Variants in FHIT observed in about 807,000 individuals in gnomAD.
The protein encoded by FHIT is fragile histidine triad diadenosine triphosphatase, also known as bis(5'-adenosyl)-triphosphatase.
A neutral mutation model predicts 17.9 loss-of-function variants in FHIT; 19 were observed. The observed-to-expected ratio is 1.06, with a 90% CI of 0.74 to 1.56. The LOEUF is 1.56. FHIT is among the 40% of genes most tolerant of loss of function. The probability of loss-of-function intolerance (pLI) is 0.00; values close to 1 mark genes in which losing one functional copy is unlikely to be tolerated. For missense variants in FHIT, 248 were observed against 189.2 expected (o/e 1.31, Z -1.82); for synonymous variants, 81 against 69.7 (o/e 1.16, Z -0.81).
At chr3:60,031,753 C>T (rs9860649) in intron 5 of FHIT, among the ~76,000 whole-genome samples, 1 of 152,024 alleles carries the variant, frequency 6.6e-6, no homozygotes, top group Non-Finnish European at 1.5e-5. Flanking sequence ...GAGTTCTTAA[C>T]CTGGGGGTCC....
intron 4 of FHIT, among the ~76,000 whole-genome samples, chr3:60,680,394 A>C (rs1194624374): frequency 2.0e-5 from 3 of 151,808 alleles, no homozygotes; most frequent in Non-Finnish European, 2.9e-5. Context: ...TTTTCTATTG[A>C]TTTTTATTTC....
At chr3:59,824,083 A>C (rs1700893397) in intron 8 of FHIT, among the ~76,000 whole-genome samples, 1 of 152,246 alleles carries the variant, frequency 6.6e-6, no homozygotes, top group Admixed American at 6.5e-5. Context: ...TCAAGAGCTC[A>C]ACCCCTTTTA....
chr3:61,162,879 T>G (rs1560031737), intron 2 of FHIT, among the ~76,000 whole-genome samples: 1 of 152,244 alleles, frequency 6.6e-6, no homozygotes, highest in Non-Finnish European at 1.5e-5. Flanking sequence ...TAAATGTGTC[T>G]GGGCTTTTTG....
chr3:61,222,050 G>A (rs1431765826), intron 1 of FHIT, among the ~76,000 whole-genome samples: 1 of 152,212 alleles, frequency 6.6e-6, no homozygotes, highest in African/African-American at 2.4e-5. Context: ...GGATGGCCCA[G>A]CAACGTCACT....
chr3:60,788,797 G>A (rs1489592892), intron 4 of FHIT, among the ~76,000 whole-genome samples: 5 of 152,052 alleles, frequency 3.3e-5, no homozygotes, highest in African/African-American at 4.8e-5. Flanking sequence ...GCCTCCTATC[G>A]TGTACCTCAG....
intron 8 of FHIT, among the ~76,000 whole-genome samples, chr3:59,875,315 C>G (rs1366897064): frequency 6.6e-6 from 1 of 152,222 alleles, no homozygotes; most frequent in African/African-American, 2.4e-5. Context: ...CCCTAAACTA[C>G]TACTCACTGT....
intron 5 of FHIT, among the ~76,000 whole-genome samples, chr3:60,108,120 C>T (rs1019027105): frequency 6.6e-6 from 1 of 152,144 alleles, no homozygotes; most frequent in East Asian, 1.9e-4. Context: ...CCGGAAAGTG[C>T]TTTGCTTGAC....
At chr3:60,638,338 C>T (rs13063948) in intron 4 of FHIT, among the ~76,000 whole-genome samples, 1 of 152,070 alleles carries the variant, frequency 6.6e-6, no homozygotes, top group Non-Finnish European at 1.5e-5. Flanking sequence ...TGGGTCTAGA[C>T]AACCACCATT....
Position 59,748,569 on chromosome 3 carries a change from G to A in FHIT, c.*1016C>T, listed in dbSNP as rs1368576935. ...AAGGAAGAAGTCCAGCAGGCGAGGA[G>A]GTGGGAGGTCCTCAAGGCAGAAATA... is the stretch of plus-strand genomic sequence containing the variant. On this transcript the variant is annotated 3_prime_UTR_variant, in exon 10 of 10. Transcript: ENST00000492590. 6.7e-6 allele frequency among the ~76,000 whole-genome samples: 1 copy of A among 149,850 alleles called. No individual in the cohort carries two copies. Among genetic ancestry groups the A allele is most frequent in the Non-Finnish European group, 1.5e-5 (1 of 67,252 alleles).
At chr3:60,898,644 C>T (rs142777514) in intron 3 of FHIT, among the ~76,000 whole-genome samples, 1 of 152,204 alleles carries the variant, frequency 6.6e-6, no homozygotes, top group Non-Finnish European at 1.5e-5. Flanking sequence ...AGGCTCTAAG[C>T]TGTCTATTGA....
In FHIT at chr3:61,016,229, G is replaced by A. The variant is rs183290771; in HGVS notation, c.-111+25818C>T. Among the ~76,000 whole-genome samples, 59 of 152,326 alleles carry A rather than the reference G, an allele frequency of 3.9e-4. 1 individual carries two copies. The South Asian group carries it at 5.8e-3, about 15-fold the overall frequency. ...CAGATGGGCAGAATAAAACCAGAGGGAGGAGAAGTGGAGGAAAAGGACAGT... is the reference window on the plus strand; with the variant it reads ...CAGATGGGCAGAATAAAACCAGAGGAAGGAGAAGTGGAGGAAAAGGACAGT... On this transcript the variant is annotated intron_variant, in intron 3 of 9. Transcript: ENST00000492590.
chr3:59,846,757 G>T (rs1366751402), intron 8 of FHIT, among the ~76,000 whole-genome samples: 1 of 152,142 alleles, frequency 6.6e-6, no homozygotes, highest in Non-Finnish European at 1.5e-5. Flanking sequence ...TTGAAGGGCA[G>T]ATCTAGTTCT....
chr3:60,631,891 A>C (rs1234165271), intron 4 of FHIT, among the ~76,000 whole-genome samples: 4 of 152,182 alleles, frequency 2.6e-5, no homozygotes, highest in Admixed American at 2.6e-4. Flanking sequence ...TGAAACATGA[A>C]AAAAAGAGTT....
intron 4 of FHIT, among the ~76,000 whole-genome samples, chr3:60,612,022 C>A (rs1324403563): frequency 6.6e-6 from 1 of 152,118 alleles, no homozygotes; most frequent in Non-Finnish European, 1.5e-5. Context: ...CCTCACCTAG[C>A]CCTCACCTGC....
chr3:60,237,350 C>G (rs1034849324), intron 5 of FHIT, among the ~76,000 whole-genome samples: 16 of 148,600 alleles, frequency 1.1e-4, no homozygotes, highest in African/African-American at 3.8e-4. Flanking sequence ...ATATTTACAC[C>G]TACCATGGTG....
At chr3:60,296,236 G>C (rs547849680) in intron 5 of FHIT, among the ~76,000 whole-genome samples, 2 of 151,998 alleles carry the variant, frequency 1.3e-5, no homozygotes, top group African/African-American at 4.8e-5. Context: ...AGGAGGAGGG[G>C]AAAGAAGAGG....
intron 5 of FHIT, among the ~76,000 whole-genome samples, chr3:60,196,667 G>A (rs999445480): frequency 1.3e-5 from 2 of 151,958 alleles, no homozygotes; most frequent in African/African-American, 4.8e-5. Flanking sequence ...AGCAGCAATG[G>A]CCTAGGATGT....
intron 5 of FHIT, among the ~76,000 whole-genome samples, chr3:60,421,766 A>G (rs1702476672): frequency 6.6e-6 from 1 of 152,070 alleles, no homozygotes; most frequent in East Asian, 1.9e-4. Context: ...AAGGTGGAAA[A>G]CTTGAAACAG....
chr3:60,099,310 A>G (rs1704095983), intron 5 of FHIT, among the ~76,000 whole-genome samples: 1 of 152,206 alleles, frequency 6.6e-6, no homozygotes, highest in Non-Finnish European at 1.5e-5. Context: ...GGCTCAAACG[A>G]TAAAAATAAT....
Sources: allele counts gnomAD v4.1 joint callset (sites outside exome capture counted in the v4.1 genomes callset), GRCh38; gene constraint gnomAD v4.1.1; transcripts MANE v1.5; gene names NCBI Gene and HGNC (gene_info 2026-07-23, HGNC 2026-07-21).